Variants in CDH10 observed in about 807,000 individuals in gnomAD.
CDH10 encodes cadherin-10.
CDH10 carries 30 observed loss-of-function variants against 73.1 expected under a neutral mutation model. That is an observed-to-expected ratio of 0.41 (90% confidence interval 0.31 to 0.56). The LOEUF is 0.56. CDH10 is among the 20% of genes least tolerant of loss of function. The pLI, the probability that CDH10 is intolerant of heterozygous loss-of-function variation, is 0.27. For missense variants in CDH10, 815 were observed against 973.7 expected, an observed-to-expected ratio of 0.84 and a Z score of 2.17; for synonymous variants, 345 against 348.2, an observed-to-expected ratio of 0.99 and a Z score of 0.10.
At chr5:24,539,370 C>T (rs1744073219) in intron 2 of CDH10, among the ~76,000 whole-genome samples, 1 of 151,836 alleles carries the variant, frequency 6.6e-6, no homozygotes, top group Admixed American at 6.6e-5. Flanking sequence ...TTTCAATGAA[C>T]TTGCCCCTGA....
At chr5:24,508,276 A>C (rs1000830637) in intron 7 of CDH10, among the ~76,000 whole-genome samples, 1 of 152,228 alleles carries the variant, frequency 6.6e-6, no homozygotes, top group African/African-American at 2.4e-5. Context: ...TCTTTAAAGT[A>C]ATAGAACAAG....
chr5:24,585,504 C>A (rs182400426), intron 2 of CDH10, among the ~76,000 whole-genome samples: 1 of 152,110 alleles, frequency 6.6e-6, no homozygotes, highest in East Asian at 1.9e-4. Context: ...CTCACTGCAA[C>A]CTCCGCCTCC....
chr5:24,640,643 T>G (rs1748018489), intron 1 of CDH10, among the ~76,000 whole-genome samples: 1 of 151,890 alleles, frequency 6.6e-6, no homozygotes, highest in Non-Finnish European at 1.5e-5. Context: ...AAAGGCATTT[T>G]TATATGAAGG....
At chr5:24,499,726 T>A (rs1377501744) in intron 8 of CDH10, among the ~76,000 whole-genome samples, 1 of 73,876 alleles carries the variant, frequency 1.4e-5, no homozygotes, top group African/African-American at 3.2e-5. Flanking sequence ...CTTGTTTTGA[T>A]ATGTAAATTA....
intron 1 of CDH10, among the ~76,000 whole-genome samples, chr5:24,632,462 G>A (rs1435095202): frequency 6.6e-6 from 1 of 151,962 alleles, no homozygotes; most frequent in Non-Finnish European, 1.5e-5. Flanking sequence ...GAGAATAAAA[G>A]CAAATCAATA....
At chr5:24,636,766 G>A (rs779945711) in intron 1 of CDH10, among the ~76,000 whole-genome samples, 4 of 151,870 alleles carry the variant, frequency 2.6e-5, no homozygotes, top group Admixed American at 1.3e-4. Flanking sequence ...TTTCTTGATG[G>A]GGATGGGTAT....
At chr5:24,585,513 C>A (rs1236273368) in intron 2 of CDH10, among the ~76,000 whole-genome samples, 1 of 152,200 alleles carries the variant, frequency 6.6e-6, no homozygotes, top group Non-Finnish European at 1.5e-5. Flanking sequence ...ACCTCCGCCT[C>A]CCAGGTTCAA....
intron 2 of CDH10, among the ~76,000 whole-genome samples, chr5:24,543,474 A>G (rs1001542748): frequency 6.6e-6 from 1 of 152,156 alleles, no homozygotes; most frequent in Admixed American, 6.6e-5. Flanking sequence ...AAATAACGAA[A>G]TTATTAAATA....
chr5:24,504,613 C>T (rs1213055385), intron 8 of CDH10, among the ~76,000 whole-genome samples: 5 of 146,928 alleles, frequency 3.4e-5, no homozygotes, highest in East Asian at 2.1e-4. Context: ...GCAACCTCTG[C>T]CTCCCAGGTT....
intron 5 of CDH10, among the ~76,000 whole-genome samples, chr5:24,512,414 T>C (rs1193256942): frequency 1.3e-5 from 2 of 152,374 alleles, no homozygotes; most frequent in East Asian, 3.9e-4. Context: ...TCTATGTAGT[T>C]GTTTTTACTA....
chr5:24,642,762 T>C (rs1258946368), intron 1 of CDH10, among the ~76,000 whole-genome samples: 6 of 152,162 alleles, frequency 3.9e-5, no homozygotes, highest in Non-Finnish European at 8.8e-5. Flanking sequence ...TCATACAGTT[T>C]ACCTTCTTTT....
At chr5:24,560,918 TATA>T (rs1490565388) in intron 2 of CDH10, among the ~76,000 whole-genome samples, 1 of 152,158 alleles carries the variant, frequency 6.6e-6, no homozygotes, top group Non-Finnish European at 1.5e-5. Flanking sequence ...TTCCTGATTA[TATA>T]ATACTAGACT....
chr5:24,520,906 A>G (rs546858334), intron 5 of CDH10, among the ~76,000 whole-genome samples: 1 of 148,868 alleles, frequency 6.7e-6, no homozygotes, highest in South Asian at 2.1e-4. Flanking sequence ...TTTTTTTTGT[A>G]TTTTTAGTAG....
At chr5:24,578,726 G>A (rs556345143) in intron 2 of CDH10, among the ~76,000 whole-genome samples, 5 of 152,122 alleles carry the variant, frequency 3.3e-5, no homozygotes, top group African/African-American at 1.2e-4. Flanking sequence ...GGCATTATAG[G>A]ATATCTTTAA....
At chr5:24,580,399 C>A (rs1745755681) in intron 2 of CDH10, among the ~76,000 whole-genome samples, 1 of 151,994 alleles carries the variant, frequency 6.6e-6, no homozygotes. Context: ...GTTTTCCATT[C>A]TCTTAAATAA....
At chr5:24,497,328 T>C (rs1742328388) in intron 9 of CDH10, among the ~76,000 whole-genome samples, 1 of 151,934 alleles carries the variant, frequency 6.6e-6, no homozygotes, top group African/African-American at 2.4e-5. Context: ...CTTCAGCTTA[T>C]ATCATGCTGA....
chr5:24,634,715 T>C (rs1241044035), intron 1 of CDH10, among the ~76,000 whole-genome samples: 3 of 151,784 alleles, frequency 2.0e-5, no homozygotes, highest in African/African-American at 4.8e-5. Flanking sequence ...GTCTCTATTA[T>C]AGCTTACCTC....
intron 2 of CDH10, among the ~76,000 whole-genome samples, chr5:24,552,581 C>T (rs1444610873): frequency 6.6e-6 from 1 of 151,896 alleles, no homozygotes; most frequent in African/African-American, 2.4e-5. Context: ...TAATTTCGAA[C>T]TTTGTCAATG....
rs552781427 is a variant in CDH10 at position 24,587,839 on chromosome 5, T to G, written c.231+5421A>C. 5.9e-5 allele frequency among the ~76,000 whole-genome samples: 9 copies of G among 152,330 alleles called. No homozygotes were observed. In the South Asian group the frequency reaches 1.9e-3, roughly 32 times the overall value. Reference sequence around the variant, plus strand: ...ATGCATTCAGGATTTTCCTGAATACTTTGCTAAAATGATATAGTGAGATTT... The same window carrying G: ...ATGCATTCAGGATTTTCCTGAATACGTTGCTAAAATGATATAGTGAGATTT... On this transcript the variant is annotated intron_variant, in intron 2 of 11. Transcript: ENST00000264463.
Sources: gnomAD v4.1 joint callset for allele counts (sites outside exome capture counted in the v4.1 genomes callset) on GRCh38, gnomAD v4.1.1 for gene constraint, MANE v1.5 for transcripts, NCBI Gene and HGNC (gene_info 2026-07-23, HGNC 2026-07-21) for gene names.